Variants in CTNNA2 observed in about 807,000 individuals in gnomAD.
CTNNA2 encodes catenin alpha 2.
A neutral mutation model predicts 101.0 loss-of-function variants in CTNNA2; 42 were observed. The ratio of observed to expected loss-of-function variants is 0.42; its 90% confidence interval spans 0.32 to 0.54. The LOEUF is 0.54. CTNNA2 is among the 20% of genes least tolerant of loss of function. The probability of loss-of-function intolerance (pLI) is 0.14; values close to 1 mark genes in which losing one functional copy is unlikely to be tolerated. For synonymous variants in CTNNA2, 450 were observed against 456.4 expected (o/e 0.99, Z 0.18); for missense variants, 871 against 1,223.1 (o/e 0.71, Z 4.29).
intron 3 of CTNNA2, among the ~76,000 whole-genome samples, chr2:79,367,973 A>G (rs1436225376): frequency 6.6e-6 from 1 of 152,178 alleles, no homozygotes; most frequent in Non-Finnish European, 1.5e-5. Flanking sequence ...TAAAGATGAA[A>G]TGCAATACTC....
At chr2:79,982,285 TAACATATATAACATATATAA>T (rs1190035247) in intron 7 of CTNNA2, among the ~76,000 whole-genome samples, 2 of 131,980 alleles carry the variant, frequency 1.5e-5, no homozygotes, top group Non-Finnish European at 3.1e-5. Context: ...ATAATATATA[TAACATATATAACATATATAA>T]AACATATATA....
chr2:80,063,972 A>T (rs1697793742), intron 7 of CTNNA2, among the ~76,000 whole-genome samples: 1 of 152,234 alleles, frequency 6.6e-6, no homozygotes, highest in South Asian at 2.1e-4. Context: ...ACACCAGTAT[A>T]TAAACTGAAA....
At chr2:80,497,230 T>C (rs903975777) in intron 9 of CTNNA2, among the ~76,000 whole-genome samples, 1 of 152,180 alleles carries the variant, frequency 6.6e-6, no homozygotes, top group African/African-American at 2.4e-5. Context: ...CACAGTGCCA[T>C]TGTGTGAGGC....
intron 7 of CTNNA2, among the ~76,000 whole-genome samples, chr2:80,048,456 A>T (rs983884475): frequency 3.9e-5 from 6 of 152,080 alleles, no homozygotes; most frequent in African/African-American, 1.4e-4. Flanking sequence ...GAGAAACGTG[A>T]TTTTTGCTTA....
rs144816895 is a variant in CTNNA2 at position 80,114,074 on chromosome 2, C to G, written c.1056+204277C>G. Reference sequence around the variant, plus strand: ...TTTCTGATGGGCACTGAGAGAAGATCTCAGAGCTTAATAATTTGAACACAG... The same window carrying G: ...TTTCTGATGGGCACTGAGAGAAGATGTCAGAGCTTAATAATTTGAACACAG... On this transcript the variant is annotated intron_variant, in intron 7 of 18. Coordinates refer to ENST00000402739, the MANE Select transcript of CTNNA2 (RefSeq NM_001282597.3). 5.6e-3 allele frequency among the ~76,000 whole-genome samples: 850 copies of G among 152,300 alleles called. 8 individuals are homozygous for G. Among genetic ancestry groups the G allele is most frequent in the African/African-American group, 0.02 (811 of 41,562 alleles).
At chr2:79,571,130 T>A (rs757728967) in intron 1 of CTNNA2, among the ~76,000 whole-genome samples, 1 of 152,230 alleles carries the variant, frequency 6.6e-6, no homozygotes, top group Non-Finnish European at 1.5e-5. Flanking sequence ...GGATTATGCA[T>A]CATAGTATGC....
intron 2 of CTNNA2, among the ~76,000 whole-genome samples, chr2:79,223,009 G>A (rs1674364666): frequency 6.6e-6 from 1 of 152,026 alleles, no homozygotes; most frequent in African/African-American, 2.4e-5. Context: ...AAATTAGCCA[G>A]GCATAGTGCA....
chr2:80,303,689 C>A lies in CTNNA2; in HGVS notation c.1057-89522C>A, dbSNP rs758083765. ...GCAGTACAGCAGCCGCCCCTCGCAC[C>A]GGCACAGCTGCGGGCACCCGCTGGG... On this transcript the variant is annotated intron_variant, in intron 7 of 18. Transcript: ENST00000402739. This position sits in a 1 kb window ranked among gnomAD's most constrained non-coding sequence, Gnocchi z 7.7. 6.2e-7 allele frequency: 1 copy of A among 1,610,584 alleles called. No homozygotes were observed. The highest frequency in any genetic ancestry group is 8.5e-7 in the Non-Finnish European group (1 of 1,178,020).
chr2:79,606,555 A>G (rs763227108), intron 1 of CTNNA2, among the ~76,000 whole-genome samples: 5 of 152,218 alleles, frequency 3.3e-5, no homozygotes, highest in Non-Finnish European at 5.9e-5. Flanking sequence ...GGCGTGAGCC[A>G]CCACGCCTGG....
At chr2:79,386,160 C>T (rs916679926) in intron 4 of CTNNA2, among the ~76,000 whole-genome samples, 11 of 152,112 alleles carry the variant, frequency 7.2e-5, no homozygotes, top group Non-Finnish European at 1.2e-4. Flanking sequence ...AGTGTAAAAG[C>T]GTTCAATAGG....
intron 7 of CTNNA2, among the ~76,000 whole-genome samples, chr2:80,107,531 G>C (rs924150443): frequency 2.6e-5 from 4 of 152,166 alleles, no homozygotes; most frequent in Non-Finnish European, 5.9e-5. Flanking sequence ...TCTGCTGATA[G>C]CCATTTCCAT....
intron 7 of CTNNA2, among the ~76,000 whole-genome samples, chr2:79,956,839 G>A (rs926463951): frequency 8.9e-4 from 65 of 72,768 alleles, no homozygotes; most frequent in African/African-American, 4.7e-3. Context: ...ATGAATACGT[G>A]TGGGTTTTTT....
intron 7 of CTNNA2, among the ~76,000 whole-genome samples, chr2:80,101,032 A>C (rs1371671561): frequency 1.3e-5 from 2 of 152,166 alleles, no homozygotes; most frequent in Non-Finnish European, 2.9e-5. Context: ...TGTTTATGGG[A>C]CTTCTGGCTG....
At chr2:79,960,531 T>C (rs969994109) in intron 7 of CTNNA2, among the ~76,000 whole-genome samples, 2 of 152,218 alleles carry the variant, frequency 1.3e-5, no homozygotes, top group Non-Finnish European at 2.9e-5. Flanking sequence ...TACTTCTTGA[T>C]AGTTTTTATG....
At chr2:80,453,384 G>A (rs1049865338) in intron 9 of CTNNA2, among the ~76,000 whole-genome samples, 3 of 150,852 alleles carry the variant, frequency 2.0e-5, no homozygotes, top group Admixed American at 6.6e-5. Flanking sequence ...TCTAAGAACA[G>A]CACATCTGTT....
chr2:80,603,554 T>C (rs2149773648), intron 15 of CTNNA2: 1 of 152,224 alleles, frequency 6.6e-6, no homozygotes, highest in Admixed American at 6.6e-5. Context: ...AGAATATAAA[T>C]ATGCTGGACA....
At chr2:79,217,818 C>G (rs1362991127) in intron 2 of CTNNA2, among the ~76,000 whole-genome samples, 1 of 152,178 alleles carries the variant, frequency 6.6e-6, no homozygotes, top group Non-Finnish European at 1.5e-5. Context: ...ATTCTAACAT[C>G]CTATCTACCC....
intron 7 of CTNNA2, among the ~76,000 whole-genome samples, chr2:80,115,352 A>T (rs1052732207): frequency 1.3e-5 from 2 of 152,196 alleles, no homozygotes; most frequent in Non-Finnish European, 2.9e-5. Context: ...CACTTATGAT[A>T]ATTGGTTGAG....
chr2:80,127,677 T>C (rs1378637010), intron 7 of CTNNA2, among the ~76,000 whole-genome samples: 1 of 152,138 alleles, frequency 6.6e-6, no homozygotes, highest in Non-Finnish European at 1.5e-5. Flanking sequence ...AATTAGCAGT[T>C]AGGATGGTTG....
Sources: gnomAD v4.1 joint callset for allele counts (sites outside exome capture counted in the v4.1 genomes callset) on GRCh38, gnomAD v4.1.1 for gene constraint, Gnocchi (gnomAD v3.1) non-coding constraint, MANE v1.5 for transcripts, NCBI Gene and HGNC (gene_info 2026-07-23, HGNC 2026-07-21) for gene names.